The following ADGRL2 variants were observed in gnomAD, a reference collection of about 807,000 sequenced individuals.
ADGRL2 encodes the protein adhesion G protein-coupled receptor L2.
A neutral mutation model predicts 157.4 loss-of-function variants in ADGRL2; 44 were observed. The ratio of observed to expected loss-of-function variants is 0.28; its 90% CI spans 0.22 to 0.36. The LOEUF (loss-of-function observed/expected upper bound fraction) is 0.36. Among genes scored for constraint, ADGRL2 ranks in the 10% least tolerant of loss-of-function variants. The pLI, the probability that ADGRL2 is intolerant of heterozygous loss-of-function variation, is 1.00. For missense variants in ADGRL2, 1,510 were observed against 1,768.9 expected (o/e 0.85, Z 2.63); for synonymous variants, 585 against 624.7 (o/e 0.94, Z 0.95).
intron 1 of ADGRL2, among the ~76,000 whole-genome samples, chr1:81,422,473 G>C (rs2077143362): frequency 6.6e-6 from 1 of 152,186 alleles, no homozygotes; most frequent in African/African-American, 2.4e-5. Flanking sequence ...TCGAACTCCT[G>C]ACCTCAAGTG....
chr1:81,688,778 G>A (rs1391416084), intron 3 of ADGRL2, among the ~76,000 whole-genome samples: 4 of 152,130 alleles, frequency 2.6e-5, no homozygotes, highest in African/African-American at 4.8e-5. Context: ...TAGTATTCTG[G>A]TTCCTTCTTA....
At chr1:81,624,671 A>G (rs1402562186) in intron 3 of ADGRL2, among the ~76,000 whole-genome samples, 1 of 152,232 alleles carries the variant, frequency 6.6e-6, no homozygotes, top group Non-Finnish European at 1.5e-5. Flanking sequence ...TAGAAACTTT[A>G]CAATAAAAAC....
At chr1:81,593,130 T>C (rs2081165793) in intron 3 of ADGRL2, among the ~76,000 whole-genome samples, 1 of 152,204 alleles carries the variant, frequency 6.6e-6, no homozygotes, top group Non-Finnish European at 1.5e-5. Context: ...GTGTTATCAC[T>C]TTTCTTAGCC....
upstream of ADGRL2, among the ~76,000 whole-genome samples, chr1:81,799,917 G>A (rs1255186544): frequency 2.0e-5 from 3 of 152,122 alleles, no homozygotes; most frequent in African/African-American, 7.2e-5. Context: ...TGAATTTTGT[G>A]GCATGCACAG....
At chr1:81,376,623 T>C (rs533115925) in intron 1 of ADGRL2, among the ~76,000 whole-genome samples, 2 of 150,626 alleles carry the variant, frequency 1.3e-5, no homozygotes, top group South Asian at 4.4e-4. Context: ...CTCTCTCCCT[T>C]TCTCTTCTTC....
At chr1:81,885,559 G>A (rs778736747) in intron 2 of ADGRL2, among the ~76,000 whole-genome samples, 27 of 152,094 alleles carry the variant, frequency 1.8e-4, no homozygotes, top group Non-Finnish European at 4.0e-4. Context: ...CATTTGTATC[G>A]TCGCATGGCC....
chr1:81,911,549 A>G (rs1266525623), intron 3 of ADGRL2, among the ~76,000 whole-genome samples: 1 of 152,162 alleles, frequency 6.6e-6, no homozygotes, highest in African/African-American at 2.4e-5. Context: ...TTTTCACTCT[A>G]AAAACCTGCT....
Position 81,312,206 on chromosome 1 carries a change from A to T in ADGRL2, c.-302+5697A>T, listed in dbSNP as rs146402056. On this transcript the variant is annotated intron_variant, in intron 1 of 24. Coordinates refer to the ADGRL2 transcript ENST00000370721. The stretch of plus-strand genomic sequence containing the variant: ...ACTATGGAATAGTCAATCCAATAAG[A>T]AATCTACAGAAAGAGTTTACAACCA... Among the ~76,000 whole-genome samples, 964 of 152,338 alleles carry T rather than the reference A, an allele frequency of 6.3e-3. 15 individuals carry two copies. Among genetic ancestry groups the T allele is most frequent in the African/African-American group, 0.02 (848 of 41,560 alleles).
chr1:81,602,345 A>G (rs905503534), intron 3 of ADGRL2, among the ~76,000 whole-genome samples: 1 of 152,176 alleles, frequency 6.6e-6, no homozygotes, highest in Non-Finnish European at 1.5e-5. Context: ...CTGTAATCCC[A>G]GCCCTTTGGG....
intron 1 of ADGRL2, among the ~76,000 whole-genome samples, chr1:81,316,351 T>C (rs958846758): frequency 5.9e-5 from 9 of 152,188 alleles, no homozygotes; most frequent in African/African-American, 1.4e-4. Flanking sequence ...ACAAATTCAC[T>C]TGATGTTCAG....
chr1:81,490,156 A>T (rs1266291067), intron 2 of ADGRL2, among the ~76,000 whole-genome samples: 1 of 143,476 alleles, frequency 7.0e-6, no homozygotes, highest in Admixed American at 7.1e-5. Flanking sequence ...TTCGAGACAG[A>T]GTTTCGCTCT....
chr1:81,447,684 TC>T (rs1245655749), intron 2 of ADGRL2, among the ~76,000 whole-genome samples: 2 of 152,146 alleles, frequency 1.3e-5, no homozygotes, highest in African/African-American at 4.8e-5. Context: ...GAAAAAAACT[TC>T]CAAGCAACAA....
intron 3 of ADGRL2, among the ~76,000 whole-genome samples, chr1:81,585,443 G>A (rs1038056937): frequency 2.6e-5 from 4 of 152,028 alleles, no homozygotes; most frequent in Non-Finnish European, 2.9e-5. Context: ...AGGAAGGGTG[G>A]GGACAGAAGA....
At chr1:81,667,102 C>T (rs1047875035) in intron 3 of ADGRL2, among the ~76,000 whole-genome samples, 1 of 152,048 alleles carries the variant, frequency 6.6e-6, no homozygotes, top group Non-Finnish European at 1.5e-5. Flanking sequence ...ATATTTTTGC[C>T]TCTGATTACC....
chr1:81,760,652 A>G lies in ADGRL2; in HGVS notation c.-142-1159A>G, dbSNP rs143565601. 3.6e-3 allele frequency among the ~76,000 whole-genome samples: 551 copies of G among 152,048 alleles called. 5 individuals carry two copies. Among genetic ancestry groups the G allele is most frequent in the African/African-American group, 0.013 (530 of 41,510 alleles). Reference sequence around the variant, plus strand: ...AAAGTATACTAAAGCCAAAGCTGCCACATTTGAGCTTAGAATTCAATAATA... The same window carrying G: ...AAAGTATACTAAAGCCAAAGCTGCCGCATTTGAGCTTAGAATTCAATAATA... On this transcript the variant is annotated intron_variant, in intron 1 of 20. Transcript: ENST00000359929.
intron 2 of ADGRL2, among the ~76,000 whole-genome samples, chr1:81,522,403 G>A (rs1352668471): frequency 1.3e-5 from 2 of 152,164 alleles, no homozygotes; most frequent in Admixed American, 6.5e-5. Context: ...AATATATTGA[G>A]GGTGCTAGGA....
chr1:81,404,804 C>A (rs1469952505), intron 1 of ADGRL2, among the ~76,000 whole-genome samples: 1 of 152,192 alleles, frequency 6.6e-6, no homozygotes, highest in African/African-American at 2.4e-5. Flanking sequence ...ATCATCATTT[C>A]TGTCTCTCAT....
chr1:81,596,961 T>A (rs1165014525), intron 3 of ADGRL2, among the ~76,000 whole-genome samples: 1 of 152,208 alleles, frequency 6.6e-6, no homozygotes, highest in East Asian at 1.9e-4. Flanking sequence ...TTGCCTTATC[T>A]TTTTGAATAT....
At chr1:81,927,598 T>C (rs1023161846) in intron 3 of ADGRL2, among the ~76,000 whole-genome samples, 1 of 151,938 alleles carries the variant, frequency 6.6e-6, no homozygotes, top group Non-Finnish European at 1.5e-5. Flanking sequence ...GATTTCAAAA[T>C]AAATAACACA....
Sources: allele counts gnomAD v4.1 joint callset (sites outside exome capture counted in the v4.1 genomes callset), GRCh38; gene constraint gnomAD v4.1.1; transcripts MANE v1.5; gene names NCBI Gene and HGNC (gene_info 2026-07-23, HGNC 2026-07-21).